The following EPHB1 variants were observed in gnomAD, a reference collection of about 807,000 sequenced individuals.
EPHB1 encodes ephrin type-B receptor 1.
A neutral mutation model predicts 94.4 loss-of-function variants in EPHB1; 30 were observed. The observed-to-expected ratio is 0.32, with a 90% CI of 0.24 to 0.43. The LOEUF (loss-of-function observed/expected upper bound fraction) is 0.43. Among genes scored for constraint, EPHB1 ranks in the 20% least tolerant of loss-of-function variants. EPHB1 has a pLI of 1.00. For synonymous variants in EPHB1, 522 were observed against 489.1 expected, an observed-to-expected ratio of 1.07 and a Z score of -0.89; for missense variants, 1,055 against 1,308.3, an observed-to-expected ratio of 0.81 and a Z score of 2.99.
intron 12 of EPHB1, among the ~76,000 whole-genome samples, chr3:135,213,607 C>T (rs937962033): frequency 6.6e-6 from 1 of 152,208 alleles, no homozygotes; most frequent in Non-Finnish European, 1.5e-5. Context: ...CACGTACACA[C>T]TCACAAACTT....
At position 135,154,177 on chromosome 3, in the gene EPHB1, C is replaced by A; in HGVS notation, c.1323C>A (p.His441Gln). The A allele has an allele frequency of 6.2e-7, 1 of 1,614,046 alleles. No homozygotes were observed. Among genetic ancestry groups the A allele is most frequent in the Non-Finnish European group, 8.5e-7 (1 of 1,179,884 alleles). Residue 441 changes from histidine (H) to glutamine (Q), a missense_variant, in exon 6 of 16, where the codon CAC becomes CAA. Coordinates refer to ENST00000398015, the MANE Select transcript of EPHB1 (RefSeq NM_004441.5). ...QAAPSTVPIMHQVSATMRSIT... is the reference protein window; with the variant it reads ...QAAPSTVPIMQQVSATMRSIT... Reference sequence around the variant, plus strand: ...CCCCCTCCACCGTTCCCATCATGCACCAAGTCAGTGCCACTATGAGGAGCA... The same window carrying A: ...CCCCCTCCACCGTTCCCATCATGCAACAAGTCAGTGCCACTATGAGGAGCA...
chr3:135,129,957 T>C (rs1275552907), intron 4 of EPHB1, among the ~76,000 whole-genome samples: 1 of 151,762 alleles, frequency 6.6e-6, no homozygotes, highest in Non-Finnish European at 1.5e-5. Flanking sequence ...AGGGATGAGA[T>C]CAAGAAAAGC....
chr3:135,027,697 T>C (rs1186559553), intron 3 of EPHB1, among the ~76,000 whole-genome samples: 1 of 150,594 alleles, frequency 6.6e-6, no homozygotes, highest in East Asian at 2.0e-4. Context: ...TTTTTGGTTG[T>C]GTCTCTGCCC....
At chr3:134,893,936 A>C (rs1379211544) in intron 1 of EPHB1, among the ~76,000 whole-genome samples, 1 of 152,228 alleles carries the variant, frequency 6.6e-6, no homozygotes, top group Non-Finnish European at 1.5e-5. Context: ...TGAGCAAATG[A>C]AGGCAGGAAT....
intron 3 of EPHB1, among the ~76,000 whole-genome samples, chr3:134,962,612 C>T (rs1232360532): frequency 6.6e-6 from 1 of 152,208 alleles, no homozygotes; most frequent in Admixed American, 6.5e-5. Flanking sequence ...CCTTCTGCCC[C>T]TGGGCCTGTG....
At chr3:135,010,319 T>C (rs1395549606) in intron 3 of EPHB1, among the ~76,000 whole-genome samples, 1 of 152,174 alleles carries the variant, frequency 6.6e-6, no homozygotes, top group Non-Finnish European at 1.5e-5. Flanking sequence ...TTTCTTATGT[T>C]ACTACTTTTA....
intron 3 of EPHB1, among the ~76,000 whole-genome samples, chr3:135,057,748 A>T (rs1937387474): frequency 1.3e-5 from 2 of 152,244 alleles, no homozygotes; most frequent in African/African-American, 4.8e-5. Flanking sequence ...CATATACTGC[A>T]TACATATGTG....
intron 12 of EPHB1, among the ~76,000 whole-genome samples, chr3:135,204,802 C>T (rs1364961082): frequency 6.6e-6 from 1 of 151,862 alleles, no homozygotes; most frequent in African/African-American, 2.4e-5. Flanking sequence ...CATGCCCAGC[C>T]TCTTTCAGTT....
At chr3:135,181,767 T>G (rs1942158013) in intron 10 of EPHB1, among the ~76,000 whole-genome samples, 1 of 151,954 alleles carries the variant, frequency 6.6e-6, no homozygotes, top group Non-Finnish European at 1.5e-5. Flanking sequence ...GTTCACCAGC[T>G]GCTGGATGCC....
intron 12 of EPHB1, among the ~76,000 whole-genome samples, chr3:135,206,665 C>T (rs534328449): frequency 2.0e-5 from 3 of 152,254 alleles, no homozygotes; most frequent in East Asian, 1.9e-4. Flanking sequence ...GCCTGACCAA[C>T]GTGGTGACAC....
chr3:135,043,048 C>G (rs1227565234), intron 3 of EPHB1, among the ~76,000 whole-genome samples: 1 of 151,952 alleles, frequency 6.6e-6, no homozygotes, highest in Non-Finnish European at 1.5e-5. Context: ...CGCCACATTG[C>G]TATGGCTAGT....
At chr3:135,002,543 C>T (rs1935223436) in intron 3 of EPHB1, among the ~76,000 whole-genome samples, 1 of 151,738 alleles carries the variant, frequency 6.6e-6, no homozygotes, top group Non-Finnish European at 1.5e-5. Flanking sequence ...GTACCAGTTC[C>T]TCCTTGTACC....
intron 11 of EPHB1, among the ~76,000 whole-genome samples, chr3:135,198,623 A>G (rs749590006): frequency 2.0e-5 from 3 of 152,172 alleles, no homozygotes; most frequent in Non-Finnish European, 4.4e-5. Flanking sequence ...GAAAACCCAG[A>G]GTTCTGGTCC....
intron 2 of EPHB1, among the ~76,000 whole-genome samples, chr3:134,937,912 C>CTTT (rs113610495): frequency 3.3e-5 from 4 of 122,586 alleles, no homozygotes; most frequent in Non-Finnish European, 3.3e-5. Context: ...TGGTTCCCTC[C>CTTT]TTTTTTTTTT....
chr3:134,955,740 G>A (rs959073551), intron 3 of EPHB1, among the ~76,000 whole-genome samples: 2 of 152,278 alleles, frequency 1.3e-5, no homozygotes, highest in South Asian at 4.2e-4. Context: ...ACACAGGCTG[G>A]TCCCATCAGG....
At chr3:135,005,065 C>G (rs900677729) in intron 3 of EPHB1, among the ~76,000 whole-genome samples, 6 of 152,200 alleles carry the variant, frequency 3.9e-5, no homozygotes, top group Non-Finnish European at 8.8e-5. Context: ...TTTTTCTGTT[C>G]TGTTTTTTCC....
At chr3:135,008,883 C>T (rs1423693244) in intron 3 of EPHB1, among the ~76,000 whole-genome samples, 1 of 152,182 alleles carries the variant, frequency 6.6e-6, no homozygotes, top group African/African-American at 2.4e-5. Context: ...AGAAAGAGTT[C>T]AGTGTGTCTT....
At chr3:134,895,382 G>A (rs2038068651) in intron 1 of EPHB1, among the ~76,000 whole-genome samples, 1 of 152,210 alleles carries the variant, frequency 6.6e-6, no homozygotes, top group South Asian at 2.1e-4. Context: ...TGGTCTTGGT[G>A]TCCTGTGCAG....
intron 9 of EPHB1, among the ~76,000 whole-genome samples, chr3:135,167,677 G>A (rs1193937812): frequency 6.6e-6 from 1 of 152,128 alleles, no homozygotes; most frequent in Non-Finnish European, 1.5e-5. Context: ...GGTCTCTCTA[G>A]GTCATTTGGG....
Sources: gnomAD v4.1 joint callset for allele counts (sites outside exome capture counted in the v4.1 genomes callset) on GRCh38, gnomAD v4.1.1 for gene constraint, MANE v1.5 for transcripts, NCBI Gene and HGNC (gene_info 2026-07-23, HGNC 2026-07-21) for gene names.